The following ATP8B1 variants were observed in gnomAD, a reference collection of about 807,000 sequenced individuals.
ATP8B1 encodes ATPase phospholipid transporting 8B1.
A neutral mutation model predicts 149.9 loss-of-function variants in ATP8B1; 80 were observed. That is an observed-to-expected ratio of 0.53 (90% CI 0.45 to 0.64). The LOEUF is 0.64. Among genes scored for constraint, ATP8B1 ranks in the 30% least tolerant of loss-of-function variants. The probability of loss-of-function intolerance (pLI) is 0.00; values close to 1 mark genes in which losing one functional copy is unlikely to be tolerated. For synonymous variants in ATP8B1, 536 were observed against 562.8 expected, an observed-to-expected ratio of 0.95 and a Z score of 0.67; for missense variants, 1,247 against 1,552.6, an observed-to-expected ratio of 0.80 and a Z score of 3.31.
intron 1 of ATP8B1, among the ~76,000 whole-genome samples, chr18:57,782,056 A>G (rs1007972997): frequency 2.0e-5 from 3 of 152,270 alleles, no homozygotes; most frequent in East Asian, 3.8e-4. Context: ...CTCAGGTTGC[A>G]GTGGGAGCTT....
intron 3 of ATP8B1, 38 bp from the exon 4 acceptor site, chr18:57,704,706 T>G (rs1195660134): frequency 2.3e-6 from 3 of 1,315,754 alleles, no homozygotes; most frequent in Non-Finnish European, 3.3e-6. Context: ...AATGATGCTG[T>G]ATTTATCACA....
chr18:57,682,854 T>G (rs180905343), intron 15 of ATP8B1, among the ~76,000 whole-genome samples: 4 of 152,258 alleles, frequency 2.6e-5, no homozygotes, highest in Admixed American at 1.3e-4. Context: ...TTTGTTTTTT[T>G]TTGAGATAGG....
chr18:57,761,127 A>AAT (rs374916060), intron 1 of ATP8B1, among the ~76,000 whole-genome samples: 1 of 105,292 alleles, frequency 9.5e-6, no homozygotes, highest in South Asian at 2.8e-4. Context: ...AATAAAATAA[A>AAT]ATAAAATAAA....
intron 2 of ATP8B1, among the ~76,000 whole-genome samples, chr18:57,720,925 G>T (rs2079638986): frequency 6.6e-6 from 1 of 150,394 alleles, no homozygotes; most frequent in East Asian, 2.0e-4. Flanking sequence ...AGCCAGAAGA[G>T]AGTGGGGGCC....
In ATP8B1 at chr18:57,663,802, C is replaced by T. The variant is rs1385645856; in HGVS notation, c.2286-1187G>A. Reference sequence around the variant, plus strand: ...TTTTTTTTTGAGGCAGAGTCTCGCTCTGTCACCAGGCTGGAGTGCAGTGGT... The same window carrying T: ...TTTTTTTTTGAGGCAGAGTCTCGCTTTGTCACCAGGCTGGAGTGCAGTGGT... On this transcript the variant is annotated intron_variant, in intron 20 of 27. Coordinates refer to ENST00000648908, the MANE Select transcript of ATP8B1 (RefSeq NM_001374385.1). Among the ~76,000 whole-genome samples the T allele has an allele frequency of 3.0e-5, 4 of 133,080 alleles. No individual in the cohort carries two copies. The East Asian group carries it at 9.4e-4, about 31-fold the overall frequency. The allele number at this position is 133,080 out of a possible 152,430, so 87.3% of individuals were successfully genotyped here. A position where few individuals can be genotyped will look rare whatever the true frequency, so the allele number is the denominator to read the frequency against.
chr18:57,761,076 TAAATAAAATA>T (rs1201257618), intron 1 of ATP8B1, among the ~76,000 whole-genome samples: 2 of 88,936 alleles, frequency 2.2e-5, no homozygotes, highest in Admixed American at 1.0e-4. Context: ...TAAAATAAAA[TAAATAAAATA>T]AAATAAAATA....
chr18:57,694,898 C>T (rs1365141244), intron 10 of ATP8B1, among the ~76,000 whole-genome samples: 1 of 151,978 alleles, frequency 6.6e-6, no homozygotes, highest in Non-Finnish European at 1.5e-5. Flanking sequence ...GGCATGGTGG[C>T]ACATGCCTAT....
At chr18:57,779,996 T>C (rs899827719) in intron 1 of ATP8B1, among the ~76,000 whole-genome samples, 1 of 152,160 alleles carries the variant, frequency 6.6e-6, no homozygotes, top group Non-Finnish European at 1.5e-5. Context: ...AAACCTGTTA[T>C]AAATCACCAC....
At chr18:57,729,006 C>A (rs1299988814) in intron 2 of ATP8B1, among the ~76,000 whole-genome samples, 2 of 152,006 alleles carry the variant, frequency 1.3e-5, no homozygotes, top group Admixed American at 1.3e-4. Context: ...AGGCATGAGT[C>A]GCCGCACCCG....
chr18:57,756,212 C>T lies in ATP8B1; in HGVS notation c.-25-24380G>A, dbSNP rs9956119. Among the ~76,000 whole-genome samples the T allele has an allele frequency of 0.026, 1,550 of 60,430 alleles. 58 individuals carry two copies. The East Asian group carries it at 0.26, about 10-fold the overall frequency. 39.6% of individuals were successfully genotyped at this position (60,430 alleles called of 152,430 possible). On this transcript the variant is annotated intron_variant, in intron 1 of 27. Coordinates refer to ENST00000648908, the MANE Select transcript of ATP8B1 (RefSeq NM_001374385.1). ...CACAACATATATATATATATATATACACACACACACACACACACACACACA... is the reference window on the plus strand; with the variant it reads ...CACAACATATATATATATATATATATACACACACACACACACACACACACA...
chr18:57,737,347 ATTG>A (rs2079868178), intron 1 of ATP8B1, among the ~76,000 whole-genome samples: 1 of 151,142 alleles, frequency 6.6e-6, no homozygotes, highest in Non-Finnish European at 1.5e-5. Context: ...TTCTCTTATT[ATTG>A]TTATTTTTTT....
chr18:57,759,155 C>CAAAAAAAAAAAAAAAAAAAAAAAAAA (rs566728161), intron 1 of ATP8B1, among the ~76,000 whole-genome samples: 41 of 106,284 alleles, frequency 3.9e-4, no homozygotes, highest in South Asian at 1.4e-3. Flanking sequence ...GATTCCATCT[C>CAAAAAAAAAAAAAAAAAAAAAAAAAA]AAAAAAAAAA....
At chr18:57,748,795 C>T (rs558843204) in intron 1 of ATP8B1, among the ~76,000 whole-genome samples, 137 of 152,278 alleles carry the variant, frequency 9.0e-4, no homozygotes, top group African/African-American at 3.1e-3. Context: ...GGTTAACATG[C>T]TATTTTAAAG....
chr18:57,692,953 A>C (rs1186803278), intron 11 of ATP8B1, among the ~76,000 whole-genome samples: 4 of 152,224 alleles, frequency 2.6e-5, no homozygotes, highest in Non-Finnish European at 5.9e-5. Flanking sequence ...AAATTTCCAG[A>C]GACAAATTTA....
chr18:57,708,208 C>CAAATAATTAACCT (rs1913512966), intron 2 of ATP8B1, among the ~76,000 whole-genome samples: 1 of 146,006 alleles, frequency 6.8e-6, no homozygotes, highest in South Asian at 2.2e-4. Flanking sequence ...TTGAGGAATG[C>CAAATAATTAACCT]AAATAATTAA....
intron 7 of ATP8B1, 34 bp from the exon 8 acceptor site, chr18:57,697,722 A>AC: frequency 6.2e-7 from 1 of 1,613,668 alleles, no homozygotes; most frequent in Non-Finnish European, 8.5e-7. Flanking sequence ...TAACACCGAG[A>AC]CCCTGAGGGA....
intron 1 of ATP8B1, among the ~76,000 whole-genome samples, chr18:57,751,872 G>A (rs1388979039): frequency 2.0e-5 from 3 of 151,980 alleles, no homozygotes; most frequent in Admixed American, 2.0e-4. Context: ...TTGCATTATG[G>A]CTTGTATTGT....
chr18:57,667,504 C>T (rs191740304), intron 19 of ATP8B1: 87 of 289,676 alleles, frequency 3.0e-4, no homozygotes, highest in African/African-American at 1.8e-3. Context: ...AGTTCATGAA[C>T]ATAACCAGAT....
intron 1 of ATP8B1, among the ~76,000 whole-genome samples, chr18:57,796,268 A>G (rs1048816108): frequency 2.0e-5 from 3 of 152,244 alleles, no homozygotes; most frequent in African/African-American, 7.2e-5. Context: ...TACTGGTACA[A>G]ATCAGAGCAC....
Sources: gnomAD v4.1 joint callset for allele counts (sites outside exome capture counted in the v4.1 genomes callset) on GRCh38, gnomAD v4.1.1 for gene constraint, MANE v1.5 for transcripts, NCBI Gene and HGNC (gene_info 2026-07-23, HGNC 2026-07-21) for gene names.